The following JAZF1 variants were observed in gnomAD, a reference collection of about 807,000 sequenced individuals.
JAZF1 encodes the protein JAZF zinc finger 1.
A neutral mutation model predicts 26.4 loss-of-function variants in JAZF1; 8 were observed. The ratio of observed to expected loss-of-function variants is 0.30; its 90% CI spans 0.18 to 0.55. The LOEUF (loss-of-function observed/expected upper bound fraction) is 0.55. JAZF1 is among the 20% of genes least tolerant of loss of function. The probability of loss-of-function intolerance (pLI) is 0.94; values close to 1 mark genes in which losing one functional copy is unlikely to be tolerated. For synonymous variants in JAZF1, 126 were observed against 122.3 expected, an observed-to-expected ratio of 1.03 and a Z score of -0.20; for missense variants, 199 against 322.0, an observed-to-expected ratio of 0.62 and a Z score of 2.92.
chr7:28,061,920 G>C (rs1245934905), intron 1 of JAZF1, among the ~76,000 whole-genome samples: 1 of 152,078 alleles, frequency 6.6e-6, no homozygotes, highest in Non-Finnish European at 1.5e-5. Flanking sequence ...TTTATATTTA[G>C]GTTTGATGAA....
chr7:28,059,959 T>A (rs1315718656), intron 1 of JAZF1, among the ~76,000 whole-genome samples: 1 of 152,214 alleles, frequency 6.6e-6, no homozygotes, highest in Non-Finnish European at 1.5e-5. Flanking sequence ...TCGTGTTTAA[T>A]GTGTTGGTAT....
intron 1 of JAZF1, among the ~76,000 whole-genome samples, chr7:28,170,723 G>C (rs757522318): frequency 7.9e-5 from 12 of 152,088 alleles, no homozygotes; most frequent in Non-Finnish European, 1.3e-4. Context: ...TGGAAATCCA[G>C]CCTTTCTGTA....
chr7:27,973,317 AT>A (rs1185798352), intron 2 of JAZF1, among the ~76,000 whole-genome samples: 15 of 151,700 alleles, frequency 9.9e-5, no homozygotes, highest in African/African-American at 3.6e-4. Flanking sequence ...TATTTTTATT[AT>A]TTTCTGAGAC....
At chr7:28,038,279 T>C (rs1418642061) in intron 1 of JAZF1, among the ~76,000 whole-genome samples, 1 of 152,202 alleles carries the variant, frequency 6.6e-6, no homozygotes, top group Non-Finnish European at 1.5e-5. Flanking sequence ...GATGGGGGAA[T>C]GATTGTGGCA....
intron 1 of JAZF1, among the ~76,000 whole-genome samples, chr7:28,040,107 G>A (rs1222618629): frequency 6.6e-6 from 1 of 152,070 alleles, no homozygotes; most frequent in Non-Finnish European, 1.5e-5. Flanking sequence ...TATTATTAAA[G>A]GGTATTCTTT....
intron 1 of JAZF1, among the ~76,000 whole-genome samples, chr7:28,069,743 G>A (rs1332207406): frequency 2.6e-5 from 4 of 152,152 alleles, no homozygotes; most frequent in East Asian, 1.9e-4. Flanking sequence ...AGTTTGGGGC[G>A]CTTTTTTCTC....
intron 1 of JAZF1, among the ~76,000 whole-genome samples, chr7:28,035,313 C>CGAAAAAAAAA (rs1783268576): frequency 3.6e-5 from 1 of 27,470 alleles, no homozygotes; most frequent in Non-Finnish European, 6.6e-5. Context: ...GACTCCATCT[C>CGAAAAAAAAA]AAAAAAAAAA....
At chr7:27,856,485 G>A (rs1005415894) in intron 3 of JAZF1, among the ~76,000 whole-genome samples, 2 of 152,188 alleles carry the variant, frequency 1.3e-5, no homozygotes, top group Admixed American at 1.3e-4. Flanking sequence ...CAGGCAGCCT[G>A]CTTTTATTCT....
chr7:27,937,382 T>C (rs1409042102), intron 2 of JAZF1, among the ~76,000 whole-genome samples: 1 of 152,176 alleles, frequency 6.6e-6, no homozygotes, highest in Non-Finnish European at 1.5e-5. Flanking sequence ...TATGAATAGC[T>C]CCTCCATCAG....
chr7:28,032,035 T>C (rs1307209923), intron 1 of JAZF1, among the ~76,000 whole-genome samples: 2 of 152,184 alleles, frequency 1.3e-5, no homozygotes, highest in Admixed American at 6.5e-5. Flanking sequence ...CCAAGACACT[T>C]TGGAGTGTCT....
At chr7:27,932,901 GT>G (rs1483163967) in intron 2 of JAZF1, among the ~76,000 whole-genome samples, 1 of 152,138 alleles carries the variant, frequency 6.6e-6, no homozygotes, top group Non-Finnish European at 1.5e-5. Context: ...TCTTTAGGAT[GT>G]TTTTGATATT....
chr7:28,066,602 CAAAA>C (rs911062551), intron 1 of JAZF1, among the ~76,000 whole-genome samples: 1 of 31,764 alleles, frequency 3.1e-5, no homozygotes. Flanking sequence ...GACTCCATCT[CAAAA>C]AAAAAAAAAA....
At chr7:27,956,149 C>T (rs983602640) in intron 2 of JAZF1, among the ~76,000 whole-genome samples, 5 of 152,140 alleles carry the variant, frequency 3.3e-5, no homozygotes, top group Non-Finnish European at 5.9e-5. Flanking sequence ...ATCTTAAAGG[C>T]GTTTCACAAA....
chr7:28,001,544 C>T (rs553361231), intron 1 of JAZF1, among the ~76,000 whole-genome samples: 1 of 152,230 alleles, frequency 6.6e-6, no homozygotes, highest in East Asian at 1.9e-4. Context: ...AATCTACATT[C>T]AGAAAAGATG....
intron 1 of JAZF1, among the ~76,000 whole-genome samples, chr7:28,053,439 G>A (rs749492461): frequency 2.0e-5 from 3 of 152,002 alleles, no homozygotes; most frequent in Non-Finnish European, 4.4e-5. Context: ...TGGCTGTACT[G>A]TTTTTAATTC....
chr7:28,112,612 T>A (rs1271770103), intron 1 of JAZF1, among the ~76,000 whole-genome samples: 1 of 152,164 alleles, frequency 6.6e-6, no homozygotes, highest in Non-Finnish European at 1.5e-5. Context: ...CTTTTAATGA[T>A]AATTAGCCCC....
chr7:27,856,129 T>C (rs1783245061), intron 3 of JAZF1, among the ~76,000 whole-genome samples: 1 of 152,202 alleles, frequency 6.6e-6, no homozygotes, highest in Non-Finnish European at 1.5e-5. Context: ...TTACAGTTCT[T>C]AAACGTGGTG....
At chr7:28,118,154 A>G (rs933759544) in intron 1 of JAZF1, 2 of 152,224 alleles carry the variant, frequency 1.3e-5, no homozygotes, top group African/African-American at 4.8e-5. Context: ...TCATCCTTGC[A>G]TAAGGGCCAT....
At chr7:27,958,610 C>T (rs533517741) in intron 2 of JAZF1, among the ~76,000 whole-genome samples, 24 of 152,324 alleles carry the variant, frequency 1.6e-4, no homozygotes, top group Middle Eastern at 6.8e-3. Context: ...TACATGGCTC[C>T]AAGCCCAAAG....
Sources: gnomAD v4.1 joint callset for allele counts (sites outside exome capture counted in the v4.1 genomes callset) on GRCh38, gnomAD v4.1.1 for gene constraint, MANE v1.5 for transcripts, NCBI Gene and HGNC (gene_info 2026-07-23, HGNC 2026-07-21) for gene names.